Variants in HLA-DQB2 observed in about 807,000 individuals in gnomAD.
HLA-DQB2 encodes the protein HLA class II histocompatibility antigen, DQ beta 2 chain.
A neutral mutation model predicts 29.2 loss-of-function variants in HLA-DQB2; 24 were observed. That is an observed-to-expected ratio of 0.82 (90% CI 0.60 to 1.16). The LOEUF is 1.16. Ranked by LOEUF, HLA-DQB2 falls within the 50% of genes most tolerant of loss-of-function variation. HLA-DQB2 has a pLI of 0.00. For synonymous variants in HLA-DQB2, 104 were observed against 133.1 expected, an observed-to-expected ratio of 0.78 and a Z score of 1.51; for missense variants, 273 against 343.6, an observed-to-expected ratio of 0.79 and a Z score of 1.62.
At chr6:32,758,475 A>G (rs9276577) in intron 3 of HLA-DQB2, among the ~76,000 whole-genome samples, 20,020 of 152,178 alleles carry the variant, frequency 0.13, 1,580 homozygotes, top group Non-Finnish European at 0.18. Flanking sequence ...TGCTTCCCCT[A>G]CAGCCTCAGA....
rs191038707 is a variant in HLA-DQB2, at chr6:32,756,925, T to C, written c.781+356A>G. ...CTAGGAAACAATCTCTGGAGATTCGTAGAAACTGGCAAACTTTTCCCCTAA... is the reference window on the plus strand; with the variant it reads ...CTAGGAAACAATCTCTGGAGATTCGCAGAAACTGGCAAACTTTTCCCCTAA... On this transcript the variant is annotated intron_variant, in intron 5 of 5. Transcript: ENST00000437316. 4.0e-4 allele frequency: 478 copies of C among 1,197,356 alleles called. 2 individuals carry two copies. Among genetic ancestry groups the C allele is most frequent in the African/African-American group, 3.3e-3 (217 of 65,000 alleles). The allele number at this position is 1,197,356 out of a possible 1,614,324, so 74.2% of individuals were successfully genotyped here. A position where few individuals can be genotyped will look rare whatever the true frequency, so the allele number is the denominator to read the frequency against.
At chr6:32,759,816 C>A (rs1319561768) in intron 2 of HLA-DQB2, among the ~76,000 whole-genome samples, 2 of 152,200 alleles carry the variant, frequency 1.3e-5, no homozygotes, top group Non-Finnish European at 2.9e-5. Flanking sequence ...AGAGGTTGGC[C>A]TGGGTGAATG....
chr6:32,761,315 A>G (rs796871422), intron 2 of HLA-DQB2, among the ~76,000 whole-genome samples: 5,688 of 99,458 alleles, frequency 0.057, no homozygotes, highest in Admixed American at 0.078. Flanking sequence ...TTCGGGCAGA[A>G]AGAACTGCTT....
At position 32,757,726 on chromosome 6, in the gene HLA-DQB2, G is replaced by A. The variant is rs751716558; in HGVS notation, c.757+47C>T. 3.4e-6 allele frequency: 5 copies of A among 1,484,940 alleles called. No homozygotes were observed. In the South Asian group the frequency reaches 4.7e-5, roughly 14 times the overall value. 92.0% of individuals were successfully genotyped at this position (1,484,940 alleles called of 1,614,324 possible). A position where few individuals can be genotyped will look rare whatever the true frequency, so the allele number is the denominator to read the frequency against. ...GAGACAGAACCTCTCTGAATAGAGGGTCTGGGTCACAGCTCATCTTCCCCA... is the reference window on the plus strand; with the variant it reads ...GAGACAGAACCTCTCTGAATAGAGGATCTGGGTCACAGCTCATCTTCCCCA... On this transcript the variant is annotated intron_variant, in intron 4 of 5. Coordinates refer to ENST00000437316, the MANE Select transcript of HLA-DQB2 (RefSeq NM_001300790.2).
intron 1 of HLA-DQB2, 66 bp from the exon 2 acceptor site, chr6:32,761,992 C>T (rs1350085930): frequency 3.2e-6 from 5 of 1,555,518 alleles, no homozygotes; most frequent in Admixed American, 1.9e-5. Flanking sequence ...CCAGCCGGAC[C>T]GCACCCTTCA....
rs184113387 is a variant in HLA-DQB2, at chr6:32,759,081, G to T, written c.415C>A (p.His139Asn). ...SPSRTEALNH[H>N]NLLVCSVTDF... is the part of the protein sequence containing the mutation. ...GTCACCGAGCAGACCAGCAGGTTGTGGTGGTTGAGGGCCTCTGTCCTGGAT... is the reference window on the plus strand; with the variant it reads ...GTCACCGAGCAGACCAGCAGGTTGTTGTGGTTGAGGGCCTCTGTCCTGGAT... The change falls in exon 3 of 6, where the codon CAC (histidine) becomes AAC (asparagine). Residue 139 changes from histidine to asparagine, a missense_variant. Physicochemically the swap from His to Asn is moderately conservative, Grantham distance 68. Transcript: ENST00000437316. The T allele has an allele frequency of 6.8e-5, 110 of 1,613,866 alleles. No homozygotes were observed. The Middle Eastern group carries it at 1.3e-3, about 19-fold the overall frequency.
intron 1 of HLA-DQB2, among the ~76,000 whole-genome samples, chr6:32,762,442 GA>G (rs1377279702): frequency 7.1e-6 from 1 of 140,114 alleles, no homozygotes; most frequent in East Asian, 2.1e-4. Context: ...CCCATGCCTG[GA>G]TTTACTCTCT....
intron 4 of HLA-DQB2, 26 bp from the exon 5 acceptor site, chr6:32,757,330 A>C: frequency 6.6e-7 from 1 of 1,505,434 alleles, no homozygotes; most frequent in Non-Finnish European, 9.0e-7. Flanking sequence ...ATACAGAGAA[A>C]GGTCTTGTTA....
In HLA-DQB2 at chr6:32,761,943, C is replaced by A; in HGVS notation, c.98-17G>T. 2 of 1,587,238 alleles carry A rather than the reference C, an allele frequency of 1.3e-6. No individual in the cohort carries two copies. Among genetic ancestry groups the A allele is most frequent in the Middle Eastern group, 1.8e-4 (1 of 5,710 alleles). On this transcript the variant is annotated splice_polypyrimidine_tract_variant and intron_variant, in intron 1 of 5. Coordinates refer to ENST00000437316, the MANE Select transcript of HLA-DQB2 (RefSeq NM_001300790.2). ...AGAAATCCTCTGCGGAGAATCACGG[C>A]GGGTCAGTCAGGCCCCAGCACGGCC...
chr6:32,757,740 T>C (rs9276569), intron 4 of HLA-DQB2, 33 bp downstream of exon 4: 898,641 of 1,488,426 alleles, frequency 0.6, 263,807 homozygotes, highest in East Asian at 0.77. Context: ...GGGTCACAGC[T>C]CATCTTCCCC....
In HLA-DQB2 at chr6:32,759,054, C is replaced by CTG. The variant is rs1764536554; in HGVS notation, c.440_441dup (p.Asp148GlnfsTer40). ...ACTTTGATCTGGGCTGGATAGAAAT[C>CTG]TGTCACCGAGCAGACCAGCAGGTTG... On this transcript the variant is annotated frameshift_variant, in exon 3 of 6. Coordinates refer to ENST00000437316, the MANE Select transcript of HLA-DQB2 (RefSeq NM_001300790.2). LOFTEE classifies it high-confidence loss of function. The CTG allele has an allele frequency of 1.9e-6, 3 of 1,614,078 alleles. No individual in the cohort carries two copies. Among genetic ancestry groups the CTG allele is most frequent in the Admixed American group, 1.7e-5 (1 of 60,012 alleles).
chr6:32,757,296 C>G lies in HLA-DQB2; in HGVS notation c.766G>C (p.Gly256Arg). 6.5e-7 allele frequency: 1 copy of G among 1,549,736 alleles called. No individual in the cohort carries two copies. The highest frequency in any genetic ancestry group is 1.2e-5 in the South Asian group (1 of 84,044). ...IRHRGQKGPR[G>R]PPPAGLLH ...GAAATATTACCTGCTGGTGGAGGCC[C>G]TCGAGGTCCTACAAAAGGAAGTTAT... is the stretch of plus-strand genomic sequence containing the variant. The change falls in exon 5 of 6, where the codon GGG becomes CGG. Residue 256 changes from glycine (G) to arginine (R), a missense_variant. Gly to Arg is a moderately radical substitution (Grantham distance 125). Transcript: ENST00000437316.
intron 4 of HLA-DQB2, 135 bp from the exon 5 acceptor site, chr6:32,757,439 C>T: frequency 1.4e-6 from 1 of 720,378 alleles, no homozygotes; most frequent in Non-Finnish European, 2.4e-6. Flanking sequence ...CCTTAAGCAC[C>T]CTAAGTTAAA....
intron 5 of HLA-DQB2, 31 bp downstream of exon 5, chr6:32,757,250 T>TC: frequency 6.5e-7 from 1 of 1,550,278 alleles, no homozygotes; most frequent in East Asian, 2.4e-5. Flanking sequence ...CTGTGCCCTC[T>TC]CCCCTGACTG....
chr6:32,757,025 CTTT>C, intron 5 of HLA-DQB2: 8 of 1,244,064 alleles, frequency 6.4e-6, no homozygotes, highest in Non-Finnish European at 8.2e-6. Context: ...TCATGCTCTT[CTTT>C]TTTTTTTTTG....
intron 3 of HLA-DQB2, 88 bp downstream of exon 3, chr6:32,758,762 G>C: frequency 1.4e-6 from 2 of 1,475,632 alleles, no homozygotes; most frequent in Non-Finnish European, 1.8e-6. Context: ...GTGATGTCAG[G>C]GACAAGAGAT....
At chr6:32,758,753 T>C (rs1223392546) in intron 3 of HLA-DQB2, 97 bp downstream of exon 3, 1 of 1,402,948 alleles carries the variant, frequency 7.1e-7, no homozygotes, top group Non-Finnish European at 9.7e-7. Context: ...AGCTCAGTAG[T>C]GATGTCAGGG....
At chr6:32,760,801 C>T (rs1453588155) in intron 2 of HLA-DQB2, among the ~76,000 whole-genome samples, 1 of 150,956 alleles carries the variant, frequency 6.6e-6, no homozygotes, top group African/African-American at 2.5e-5. Flanking sequence ...TCAGCAAACA[C>T]CTTTTTCCCC....
chr6:32,762,056 T>G, intron 1 of HLA-DQB2, 130 bp from the exon 2 acceptor site: 1 of 1,254,890 alleles, frequency 8.0e-7, no homozygotes, highest in Non-Finnish European at 1.1e-6. Flanking sequence ...CGAAATTGAG[T>G]TCTTGGCTGG....
Sources: gnomAD v4.1 joint callset for allele counts (sites outside exome capture counted in the v4.1 genomes callset) on GRCh38, gnomAD v4.1.1 for gene constraint, MANE v1.5 for transcripts, NCBI Gene and HGNC (gene_info 2026-07-23, HGNC 2026-07-21) for gene names.